The following MYO7A variants were observed in gnomAD, a reference collection of about 807,000 sequenced individuals.
MYO7A encodes unconventional myosin-VIIa.
MYO7A carries 210 observed loss-of-function variants against 263.8 expected under a neutral mutation model. The observed-to-expected ratio is 0.80, with a 90% CI of 0.71 to 0.89. The LOEUF is 0.89. Ranked by LOEUF, MYO7A falls within the 40% of genes least tolerant of loss-of-function variation. The pLI, the probability that MYO7A is intolerant of heterozygous loss-of-function variation, is 0.00. For missense variants in MYO7A, 2,820 were observed against 2,968.3 expected (o/e 0.95, Z 1.16); for synonymous variants, 1,239 against 1,197.3 (o/e 1.03, Z -0.72).
intron 15 of MYO7A, among the ~76,000 whole-genome samples, chr11:77,169,317 C>A (rs985370484): frequency 6.6e-6 from 1 of 152,254 alleles, no homozygotes; most frequent in Admixed American, 6.5e-5. Flanking sequence ...GTGAAGGGCC[C>A]AGCCCAGCTG....
chr11:77,147,864 G>A lies in MYO7A; in HGVS notation c.199G>A (p.Val67Met), dbSNP rs1555054747. The A allele has an allele frequency of 1.9e-6, 3 of 1,606,888 alleles. No homozygotes were observed. Among genetic ancestry groups the A allele is most frequent in the South Asian group, 1.1e-5 (1 of 89,172 alleles). ...KPMHPTSVHG[V>M]EDMIRLGDLN... ...TATGCACCCCACGTCGGTCCACGGCGTGGAGGACATGATCCGCCTGGGGGA... is the reference window on the plus strand; with the variant it reads ...TATGCACCCCACGTCGGTCCACGGCATGGAGGACATGATCCGCCTGGGGGA... The change falls in exon 4 of 49, where the codon GTG (valine) becomes ATG (methionine). Residue 67 changes from valine (V) to methionine (M), a missense_variant. Transcript: ENST00000409709.
intron 2 of MYO7A, among the ~76,000 whole-genome samples, chr11:77,134,432 G>C (rs1950854519): frequency 6.6e-6 from 1 of 152,054 alleles, no homozygotes; most frequent in African/African-American, 2.4e-5. Context: ...ACACAGAAAA[G>C]AAAGTAGTTA....
In MYO7A at chr11:77,160,197, G is replaced by T; in HGVS notation, c.1115G>T (p.Ser372Ile). 6.3e-7 allele frequency: 1 copy of T among 1,576,692 alleles called. No homozygotes were observed. The highest frequency in any genetic ancestry group is 8.6e-7 in the Non-Finnish European group (1 of 1,161,864). ...NPPDLMSCLT[S>I]RTLITRGETV... ...CCAGACCTGATGAGCTGCCTGACTA[G>T]CCGCACCCTCATCACCCGCGGGGAG... Residue 372 changes from serine to isoleucine, a missense_variant, in exon 11 of 49, where the codon AGC (serine) becomes ATC (isoleucine). Ser to Ile is a moderately radical substitution (Grantham distance 142). Coordinates refer to ENST00000409709, the MANE Select transcript of MYO7A (RefSeq NM_000260.4).
intron 4 of MYO7A, among the ~76,000 whole-genome samples, chr11:77,149,546 G>A (rs61899973): frequency 0.11 from 16,706 of 152,192 alleles, 995 homozygotes; most frequent in Middle Eastern, 0.24. Flanking sequence ...GGAGCCCCAG[G>A]TGTTGTCACT....
intron 32 of MYO7A, among the ~76,000 whole-genome samples, chr11:77,196,635 T>C (rs1466913213): frequency 6.6e-6 from 1 of 152,206 alleles, no homozygotes; most frequent in Non-Finnish European, 1.5e-5. Context: ...TCTGCCTACA[T>C]ATGTATTTTC....
At chr11:77,154,970 T>C (rs1165595260) in intron 4 of MYO7A, among the ~76,000 whole-genome samples, 1 of 152,148 alleles carries the variant, frequency 6.6e-6, no homozygotes, top group Non-Finnish European at 1.5e-5. Flanking sequence ...CACTGAGCCC[T>C]GAATGGGAGG....
rs76574410 is a variant in MYO7A at position 77,161,412 on chromosome 11, G to T, written c.1343+297G>T. Among the ~76,000 whole-genome samples the T allele has an allele frequency of 5.7e-3, 868 of 152,316 alleles. 3 individuals are homozygous for T. Among genetic ancestry groups the T allele is most frequent in the African/African-American group, 0.02 (829 of 41,566 alleles). ...CTGCCGATCTGCCCAGATCCATGCT[G>T]CAAGGCGCCTCAAAGCAGGGAGGCC... On this transcript the variant is annotated intron_variant, in intron 12 of 48. Transcript: ENST00000409709.
At chr11:77,208,541 C>T (rs1361579575) in intron 43 of MYO7A, 24 bp downstream of exon 43, 3 of 1,600,324 alleles carry the variant, frequency 1.9e-6, no homozygotes, top group South Asian at 1.1e-5. Flanking sequence ...GTCCTGGGAT[C>T]ATCTGAGGCC....
chr11:77,212,700 T>C (rs1434058117), intron 46 of MYO7A: 2 of 563,260 alleles, frequency 3.6e-6, no homozygotes, highest in East Asian at 3.0e-5. Flanking sequence ...AGGAGGCTTT[T>C]TAAAGATGGG....
intron 31 of MYO7A, chr11:77,194,029 C>T: frequency 1.8e-6 from 1 of 543,580 alleles, no homozygotes; most frequent in South Asian, 1.5e-5. Context: ...CGCTGTCTCA[C>T]AGGGCTGAGT....
At chr11:77,198,707 G>A in intron 34 of MYO7A, 86 bp downstream of exon 34, 1 of 1,572,532 alleles carries the variant, frequency 6.4e-7, no homozygotes, top group Non-Finnish European at 8.6e-7. Flanking sequence ...AAGTGAAGAG[G>A]CATGAAGTGG....
At chr11:77,182,399 C>G (rs782403523) in intron 24 of MYO7A, 25 bp from the exon 25 acceptor site, 5 of 1,600,260 alleles carry the variant, frequency 3.1e-6, no homozygotes, top group Non-Finnish European at 4.3e-6. Flanking sequence ...CCGCTCTGGC[C>G]TCTGACATGC....
At position 77,161,029 on chromosome 11, in the gene MYO7A, C is replaced by T. The variant is rs782269935; in HGVS notation, c.1257C>T (p.Tyr419=). 6.2e-7 allele frequency: 1 copy of T among 1,613,610 alleles called. No homozygotes were observed. Among genetic ancestry groups the T allele is most frequent in the East Asian group, 2.2e-5 (1 of 44,866 alleles). ...TGGACAAGATCAACGCAGCAATTTA[C>T]AAGCCTCCCTCCCAGGATGTGAAGA... is the stretch of plus-strand genomic sequence containing the variant. ...WIVDKINAAI[Y]KPPSQDVKNS... The change falls in exon 12 of 49, where the codon TAC becomes TAT. Residue 419 remains tyrosine (Y), a synonymous_variant. Transcript: ENST00000409709.
At chr11:77,140,055 C>T (rs560846941) in intron 2 of MYO7A, among the ~76,000 whole-genome samples, 1 of 152,322 alleles carries the variant, frequency 6.6e-6, no homozygotes, top group Non-Finnish European at 1.5e-5. Context: ...GAGTTGTAGT[C>T]ATGTCTGTTT....
In MYO7A at chr11:77,207,335, A is replaced by G; in HGVS notation, c.5789A>G (p.Asn1930Ser). ...SSTKAKDFCQ[N>S]IATRLLLKSS... ...ACCAAGGCCAAGGACTTCTGCCAGA[A>G]CATCGCCACCAGGCTGCTCCTCAAG... Residue 1930 changes from asparagine to serine, a missense_variant, in exon 42 of 49, where the codon AAC (asparagine) becomes AGC (serine). Transcript: ENST00000409709. 1.2e-6 allele frequency: 2 copies of G among 1,612,806 alleles called. No homozygotes were observed. Among genetic ancestry groups the G allele is most frequent in the Non-Finnish European group, 8.5e-7 (1 of 1,179,470 alleles).
In MYO7A at chr11:77,162,714, C is replaced by T. The variant is rs932068414; in HGVS notation, c.1555-139C>T. ...ACTTAACAGATGGGGAAATGGGGTT[C>T]CAGAGAGCGCCTATGTGAGGTAGAA... On this transcript the variant is annotated intron_variant, in intron 13 of 48. Transcript: ENST00000409709. The T allele has an allele frequency of 1.4e-5, 16 of 1,136,916 alleles. No individual in the cohort carries two copies. The Admixed American group carries it at 3.1e-4, about 22-fold the overall frequency. The allele number at this position is 1,136,916 out of a possible 1,614,324, so 70.4% of individuals were successfully genotyped here.
chr11:77,198,858 G>A (rs1956869358), intron 34 of MYO7A, among the ~76,000 whole-genome samples: 1 of 152,216 alleles, frequency 6.6e-6, no homozygotes, highest in Non-Finnish European at 1.5e-5. Flanking sequence ...GACAGGCAGG[G>A]GCAGGTGAGT....
In MYO7A at chr11:77,161,109, T is replaced by C. The variant is rs782525835; in HGVS notation, c.1337T>C (p.Val446Ala). The C allele has an allele frequency of 6.2e-7, 1 of 1,614,002 alleles. No individual in the cohort carries two copies. Among genetic ancestry groups the C allele is most frequent in the South Asian group, 1.1e-5 (1 of 91,082 alleles). The change falls in exon 12 of 49, where the codon GTG becomes GCG. Residue 446 changes from valine to alanine, a missense_variant. Coordinates refer to ENST00000409709, the MANE Select transcript of MYO7A (RefSeq NM_000260.4). ...LDIFGFENFAVNSFEQLCINF... is the reference protein window; with the variant it reads ...LDIFGFENFAANSFEQLCINF... Reference sequence around the variant, plus strand: ...ATCTTTGGGTTTGAGAACTTTGCTGTGAACAGGTACCGCGTGGGGCTCTGC... The same window carrying C: ...ATCTTTGGGTTTGAGAACTTTGCTGCGAACAGGTACCGCGTGGGGCTCTGC...
At chr11:77,190,942 C>CA (rs1313730006) in intron 30 of MYO7A, 72 bp downstream of exon 30, 7 of 1,443,254 alleles carry the variant, frequency 4.9e-6, no homozygotes, top group Non-Finnish European at 4.7e-6. Context: ...CCAGTGCTGC[C>CA]ACCTACTTGC....
Sources: gnomAD v4.1 joint callset for allele counts (sites outside exome capture counted in the v4.1 genomes callset) on GRCh38, gnomAD v4.1.1 for gene constraint, MANE v1.5 for transcripts, NCBI Gene and HGNC (gene_info 2026-07-23, HGNC 2026-07-21) for gene names.